The following SLC22A25 variants were observed in gnomAD, a reference collection of about 807,000 sequenced individuals.
SLC22A25 encodes MGI:2442751, MGI:2385316, MGI:3042283, MGI:3645714, MGI:3605624, MGI:2442750.
In SLC22A25, 44 loss-of-function variants were observed where a neutral mutation model predicts 45.9. The observed-to-expected ratio is 0.96, with a 90% CI of 0.75 to 1.23. The LOEUF is 1.23. Ranked by LOEUF, SLC22A25 falls within the 50% of genes most tolerant of loss-of-function variation. The pLI, the probability that SLC22A25 is intolerant of heterozygous loss-of-function variation, is 0.00. For missense variants in SLC22A25, 800 were observed against 666.4 expected (o/e 1.20, Z -2.21); for synonymous variants, 283 against 238.6 (o/e 1.19, Z -1.72).
At chr11:63,224,596 A>G (rs887809648) in intron 5 of SLC22A25, among the ~76,000 whole-genome samples, 18 of 151,602 alleles carry the variant, frequency 1.2e-4, no homozygotes, top group African/African-American at 4.4e-4. Flanking sequence ...TTGTGTATCC[A>G]TTGTATGTTT....
In SLC22A25 at chr11:63,229,814, G is replaced by A. The variant is rs568096929; in HGVS notation, c.-162C>T. Among the ~76,000 whole-genome samples the A allele has an allele frequency of 1.8e-4, 27 of 152,240 alleles. No individual in the cohort carries two copies. The highest frequency in any genetic ancestry group is 4.6e-4 in the African/African-American group (19 of 41,554). ...TCTCTCCCATCTGCAGCAGGGTCAC[G>A]GAAGCAATTTCCTCAAGTAGTTTTG... On this transcript the variant is annotated 5_prime_UTR_variant, in exon 4 of 12. Coordinates refer to ENST00000306494, the MANE Select transcript of SLC22A25 (RefSeq NM_199352.6).
At chr11:63,186,660 C>G (rs962650703) in intron 7 of SLC22A25, among the ~76,000 whole-genome samples, 106 of 152,146 alleles carry the variant, frequency 7.0e-4, no homozygotes, top group African/African-American at 1.7e-3. Flanking sequence ...TTTTCTTCTA[C>G]AGTTTTTATG....
chr11:63,167,378 T>G (rs2087722700), intron 9 of SLC22A25: 1 of 152,260 alleles, frequency 6.6e-6, no homozygotes, highest in African/African-American at 2.4e-5. Flanking sequence ...GCTCAGCAGG[T>G]CCCACTCCCA....
chr11:63,243,494 G>A lies in SLC22A25; in HGVS notation c.-1056C>T. On this transcript the variant is annotated 5_prime_UTR_variant, in exon 1 of 12. Transcript: ENST00000306494. ...GTCCCATCTGCAACTCCTGGGTGCT[G>A]TCTGCATGTTCCTGGCCTCCAGGCT... The A allele has an allele frequency of 1.3e-6, 1 of 763,240 alleles. No homozygotes were observed. The highest frequency in any genetic ancestry group is 1.4e-5 in the South Asian group (1 of 73,932). 47.3% of individuals were successfully genotyped at this position (763,240 alleles called of 1,614,324 possible). A position where few individuals can be genotyped will look rare whatever the true frequency, so the allele number is the denominator to read the frequency against.
chr11:63,194,982 A>G (rs2088963779), intron 7 of SLC22A25, among the ~76,000 whole-genome samples: 1 of 151,188 alleles, frequency 6.6e-6, no homozygotes, highest in East Asian at 1.9e-4. Flanking sequence ...CTTTAAACCA[A>G]CAGTGATCAA....
chr11:63,163,905 C>G lies in SLC22A25; in HGVS notation c.1563G>C (p.Gln521His), dbSNP rs2087585906. The change falls in exon 12 of 12, where the codon CAG (glutamine) becomes CAC (histidine). Residue 521 changes from glutamine (Q) to histidine (H), a missense_variant. By Grantham distance (24) the Gln-to-His change is conservative. Transcript: ENST00000306494. ...VVLLLPETRN[Q>H]PLLDSIQDVE... ...CATCCTGGATGCTGTCAAGAAGAGG[C>G]TGGTTCCTGGTTTCAGGAAGGAGGA... The G allele has an allele frequency of 6.2e-7, 1 of 1,613,910 alleles. No homozygotes were observed. The highest frequency in any genetic ancestry group is 8.5e-7 in the Non-Finnish European group (1 of 1,179,908).
intron 7 of SLC22A25, among the ~76,000 whole-genome samples, chr11:63,186,044 T>C (rs1220174831): frequency 6.6e-6 from 1 of 151,914 alleles, no homozygotes; most frequent in African/African-American, 2.4e-5. Context: ...TTTATAATCC[T>C]TTGGGTATAT....
chr11:63,225,119 T>C (rs1354106863), intron 5 of SLC22A25, among the ~76,000 whole-genome samples: 1 of 152,028 alleles, frequency 6.6e-6, no homozygotes, highest in Non-Finnish European at 1.5e-5. Flanking sequence ...AATAAATACA[T>C]AAATAAAAAT....
intron 7 of SLC22A25, among the ~76,000 whole-genome samples, chr11:63,205,999 C>T (rs890769503): frequency 2.7e-5 from 4 of 150,736 alleles, no homozygotes; most frequent in African/African-American, 9.7e-5. Flanking sequence ...TCCACGTAAG[C>T]AAATCCATCA....
In SLC22A25 at chr11:63,237,372, G is replaced by A. The variant is rs569735091; in HGVS notation, c.-445+509C>T. On this transcript the variant is annotated intron_variant, in intron 3 of 11. Coordinates refer to ENST00000306494, the MANE Select transcript of SLC22A25 (RefSeq NM_199352.6). ...AGGTGAATAGGTTCATGTGGATATC[G>A]CGGAGGTGGGTTATTGCAGGAGGGG... 1.2e-4 allele frequency among the ~76,000 whole-genome samples: 18 copies of A among 152,214 alleles called. No individual in the cohort carries two copies. The South Asian group carries it at 2.5e-3, about 21-fold the overall frequency.
chr11:63,163,671 G>C lies in SLC22A25; in HGVS notation c.*153C>G. Reference sequence around the variant, plus strand: ...CAGGCTGGGCAGAGATGGTCTGTGTGATCTAGTGAGGCTCAGGGGATGTAT... The same window carrying C: ...CAGGCTGGGCAGAGATGGTCTGTGTCATCTAGTGAGGCTCAGGGGATGTAT... On this transcript the variant is annotated 3_prime_UTR_variant, in exon 12 of 12. Transcript: ENST00000306494. 8.8e-7 allele frequency: 1 copy of C among 1,135,032 alleles called. No individual in the cohort carries two copies. The highest frequency in any genetic ancestry group is 2.5e-5 in the Admixed American group (1 of 40,292). The allele number at this position is 1,135,032 out of a possible 1,614,324, so 70.3% of individuals were successfully genotyped here.
At chr11:63,226,823 T>C (rs945003908) in intron 5 of SLC22A25, among the ~76,000 whole-genome samples, 1 of 152,246 alleles carries the variant, frequency 6.6e-6, no homozygotes, top group African/African-American at 2.4e-5. Context: ...CCCATCATTC[T>C]ATTCTACTGC....
intron 7 of SLC22A25, among the ~76,000 whole-genome samples, chr11:63,187,325 C>A (rs1243362969): frequency 6.6e-6 from 1 of 152,120 alleles, no homozygotes; most frequent in Non-Finnish European, 1.5e-5. Context: ...TGGGAGTTCA[C>A]TCATGATTTG....
intron 7 of SLC22A25, among the ~76,000 whole-genome samples, chr11:63,212,820 C>G (rs2089611102): frequency 6.7e-6 from 1 of 150,216 alleles, no homozygotes; most frequent in East Asian, 2.0e-4. Flanking sequence ...AAAAAAAATT[C>G]TACCATTTTT....
At chr11:63,169,526 A>G (rs1307638256) in intron 9 of SLC22A25, among the ~76,000 whole-genome samples, 1 of 152,234 alleles carries the variant, frequency 6.6e-6, no homozygotes, top group East Asian at 1.9e-4. Flanking sequence ...CTATTCTCTG[A>G]TAAAACAGAG....
intron 5 of SLC22A25, among the ~76,000 whole-genome samples, chr11:63,226,967 C>T (rs577803996): frequency 5.9e-5 from 9 of 152,254 alleles, no homozygotes; most frequent in African/African-American, 1.4e-4. Flanking sequence ...TGATTATTAA[C>T]TTATGGTCCA....
intron 7 of SLC22A25, among the ~76,000 whole-genome samples, chr11:63,203,141 A>T (rs181818846): frequency 3.9e-5 from 6 of 152,118 alleles, no homozygotes; most frequent in Admixed American, 2.6e-4. Context: ...TCACACAAAA[A>T]CCCCATCTGA....
intron 9 of SLC22A25, among the ~76,000 whole-genome samples, chr11:63,169,877 C>T (rs920814261): frequency 6.6e-6 from 1 of 152,220 alleles, no homozygotes; most frequent in African/African-American, 2.4e-5. Context: ...CTCAGCACCA[C>T]ATCGCACTTA....
intron 2 of SLC22A25, among the ~76,000 whole-genome samples, chr11:63,238,439 C>T (rs577087701): frequency 1.8e-4 from 27 of 152,256 alleles, no homozygotes; most frequent in East Asian, 5.8e-4. Flanking sequence ...CTTACTGATT[C>T]GGCATACAAT....
Sources: gnomAD v4.1 joint callset for allele counts (sites outside exome capture counted in the v4.1 genomes callset) on GRCh38, gnomAD v4.1.1 for gene constraint, MANE v1.5 for transcripts, NCBI Gene and HGNC (gene_info 2026-07-23, HGNC 2026-07-21) for gene names.